Variants in ZFHX3 observed in about 807,000 individuals in gnomAD.
ZFHX3 encodes the protein zinc finger homeobox protein 3.
ZFHX3 carries 42 observed loss-of-function variants against 279.1 expected under a neutral mutation model. That is an observed-to-expected ratio of 0.15 (90% CI 0.12 to 0.19). ZFHX3 has a LOEUF of 0.19. ZFHX3 is among the 10% of genes least tolerant of loss of function. The pLI is 1.00. For missense variants in ZFHX3, 4,981 were observed against 4,754.0 expected (o/e 1.05, Z -1.40); for synonymous variants, 2,293 against 1,957.8 (o/e 1.17, Z -4.52).
intron 5 of ZFHX3, among the ~76,000 whole-genome samples, chr16:73,163,757 G>A (rs1451015803): frequency 6.6e-6 from 1 of 152,148 alleles, no homozygotes; most frequent in Non-Finnish European, 1.5e-5. Flanking sequence ...CTTGGACAAA[G>A]AGATGAGAGA....
intron 2 of ZFHX3, among the ~76,000 whole-genome samples, chr16:72,952,264 C>G (rs1337452492): frequency 6.6e-6 from 1 of 152,120 alleles, no homozygotes; most frequent in Non-Finnish European, 1.5e-5. Flanking sequence ...CAAAAAAAGA[C>G]TTGGAGAGTA....
intron 2 of ZFHX3, among the ~76,000 whole-genome samples, chr16:73,487,178 A>C (rs2018990579): frequency 6.6e-6 from 1 of 152,224 alleles, no homozygotes; most frequent in Non-Finnish European, 1.5e-5. Context: ...GGAGAGTGCT[A>C]GGGCAGAGGA....
chr16:72,865,865 C>T (rs1295285354), intron 4 of ZFHX3, among the ~76,000 whole-genome samples: 1 of 152,072 alleles, frequency 6.6e-6, no homozygotes, highest in Non-Finnish European at 1.5e-5. Flanking sequence ...GAGGCATGAA[C>T]TCTGGAGTAG....
chr16:72,807,175 A>C (rs1437023493), intron 7 of ZFHX3: 2 of 152,146 alleles, frequency 1.3e-5, no homozygotes, highest in Non-Finnish European at 2.9e-5. Context: ...TTGAAATCTC[A>C]AGCTTCTTTG....
intron 1 of ZFHX3, among the ~76,000 whole-genome samples, chr16:72,979,579 T>C (rs1271655185): frequency 6.6e-6 from 1 of 152,206 alleles, no homozygotes; most frequent in Non-Finnish European, 1.5e-5. Flanking sequence ...AAGCTTTTAT[T>C]GAGTACCTAA....
chr16:72,926,576 C>G (rs758389999), intron 3 of ZFHX3, among the ~76,000 whole-genome samples: 40 of 152,256 alleles, frequency 2.6e-4, no homozygotes, highest in Non-Finnish European at 4.1e-4. Flanking sequence ...AGTATGGATA[C>G]TAATTGTTTT....
intron 2 of ZFHX3, among the ~76,000 whole-genome samples, chr16:73,560,567 C>A (rs562757588): frequency 1.3e-5 from 2 of 152,242 alleles, no homozygotes; most frequent in South Asian, 2.1e-4. Context: ...AATTGCTAGG[C>A]GGGTTTGGGT....
intron 4 of ZFHX3, among the ~76,000 whole-genome samples, chr16:73,293,551 G>A (rs952784138): frequency 6.6e-6 from 1 of 152,224 alleles, no homozygotes; most frequent in African/African-American, 2.4e-5. Context: ...AGACAATAGT[G>A]AGAAGATTCC....
At chr16:73,419,075 T>C (rs1047939194) in intron 3 of ZFHX3, among the ~76,000 whole-genome samples, 5 of 152,214 alleles carry the variant, frequency 3.3e-5, no homozygotes, top group African/African-American at 1.2e-4. Context: ...TCAGCGACGT[T>C]TGACAACACA....
At chr16:73,108,358 AATG>A (rs1328198326) in intron 7 of ZFHX3, among the ~76,000 whole-genome samples, 2 of 151,700 alleles carry the variant, frequency 1.3e-5, no homozygotes, top group Admixed American at 6.6e-5. Flanking sequence ...GAGAGAGAAT[AATG>A]ATGATGATGA....
chr16:73,800,714 G>A (rs979603002), intron 1 of ZFHX3, among the ~76,000 whole-genome samples: 2 of 152,054 alleles, frequency 1.3e-5, no homozygotes, highest in Non-Finnish European at 1.5e-5. Context: ...CACTGTGGTC[G>A]TGTCATCCTT....
At chr16:72,951,111 G>A in intron 2 of ZFHX3, 146 bp from the exon 3 acceptor site, 1 of 1,140,210 alleles carries the variant, frequency 8.8e-7, no homozygotes, top group Non-Finnish European at 1.2e-6. Context: ...CTACTGGCTG[G>A]AAAACAAGCA....
At chr16:73,637,873 G>C (rs2052542110) in intron 2 of ZFHX3, among the ~76,000 whole-genome samples, 1 of 152,046 alleles carries the variant, frequency 6.6e-6, no homozygotes, top group South Asian at 2.1e-4. Context: ...AACTGACTTA[G>C]GCAATTTTGT....
chr16:73,244,955 T>C (rs935678851), intron 5 of ZFHX3, among the ~76,000 whole-genome samples: 1 of 152,166 alleles, frequency 6.6e-6, no homozygotes, highest in Non-Finnish European at 1.5e-5. Context: ...AGTGGGGGCT[T>C]ACAATTGCAG....
intron 1 of ZFHX3, among the ~76,000 whole-genome samples, chr16:73,875,678 T>C (rs979844888): frequency 2.0e-5 from 3 of 152,198 alleles, no homozygotes; most frequent in Non-Finnish European, 4.4e-5. Context: ...ATTCTGGCAT[T>C]ATTCATTTGG....
chr16:73,004,567 C>G (rs1442317536), intron 1 of ZFHX3, among the ~76,000 whole-genome samples: 1 of 152,042 alleles, frequency 6.6e-6, no homozygotes, highest in African/African-American at 2.4e-5. Flanking sequence ...CTGCCTCAAC[C>G]TCCCAAAGTG....
intron 1 of ZFHX3, among the ~76,000 whole-genome samples, chr16:73,024,970 A>G (rs1361564444): frequency 6.6e-6 from 1 of 152,068 alleles, no homozygotes; most frequent in African/African-American, 2.4e-5. Flanking sequence ...TGCCCCTTAG[A>G]CACCGCCTGC....
intron 3 of ZFHX3, among the ~76,000 whole-genome samples, chr16:72,895,890 T>C (rs1482638010): frequency 1.3e-5 from 2 of 152,128 alleles, no homozygotes; most frequent in Admixed American, 6.5e-5. Flanking sequence ...GATAGATAGA[T>C]AGACGGATAG....
At chr16:72,994,435 A>G (rs1963204449) in intron 1 of ZFHX3, among the ~76,000 whole-genome samples, 1 of 152,234 alleles carries the variant, frequency 6.6e-6, no homozygotes, top group Admixed American at 6.5e-5. Flanking sequence ...GATTCCCCCA[A>G]GACTTTCTGG....
Sources: allele counts gnomAD v4.1 joint callset (sites outside exome capture counted in the v4.1 genomes callset), GRCh38; gene constraint gnomAD v4.1.1; transcripts MANE v1.5; gene names NCBI Gene and HGNC (gene_info 2026-07-23, HGNC 2026-07-21).